Variants in NNT observed in about 807,000 individuals in gnomAD.
The protein encoded by NNT is NAD(P) transhydrogenase, mitochondrial.
In NNT, 50 loss-of-function variants were observed where a neutral mutation model predicts 104.8. That is an observed-to-expected ratio of 0.48 (90% CI 0.38 to 0.60). NNT has a LOEUF of 0.60. Among genes scored for constraint, NNT ranks in the 20% least tolerant of loss-of-function variants. The pLI, the probability that NNT is intolerant of heterozygous loss-of-function variation, is 0.00. For synonymous variants in NNT, 461 were observed against 490.4 expected, an observed-to-expected ratio of 0.94 and a Z score of 0.79; for missense variants, 1,131 against 1,330.7, an observed-to-expected ratio of 0.85 and a Z score of 2.33.
Position 43,666,721 on chromosome 5 carries a change from G to C in NNT, c.2634+7371G>C, listed in dbSNP as rs1030849981. The C allele has an allele frequency of 2.9e-5, 30 of 1,020,762 alleles. No individual in the cohort carries two copies. The African/African-American group carries it at 3.7e-4, about 13-fold the overall frequency. The allele number at this position is 1,020,762 out of a possible 1,614,324, so 63.2% of individuals were successfully genotyped here. ...CAGATGGTAGCCCAGGGACGGGGGT[G>C]GGGGGTCGCACCAGTCCTTCTGTCC... is the stretch of plus-strand genomic sequence containing the variant. On this transcript the variant is annotated intron_variant, in intron 17 of 21. Transcript: ENST00000344920.
chr5:43,605,103 A>G (rs180793473), intron 1 of NNT, among the ~76,000 whole-genome samples: 268 of 152,324 alleles, frequency 1.8e-3, no homozygotes, highest in Middle Eastern at 3.4e-3. Flanking sequence ...ACTCTCTTAA[A>G]TATCTGTGGT....
chr5:43,673,504 C>A (rs1741244063), intron 17 of NNT, among the ~76,000 whole-genome samples: 1 of 152,132 alleles, frequency 6.6e-6, no homozygotes, highest in Non-Finnish European at 1.5e-5. Flanking sequence ...TCCTTTAAAT[C>A]AATTTTAAGG....
intron 17 of NNT, chr5:43,666,755 G>A (rs368804348): frequency 3.0e-5 from 38 of 1,260,010 alleles, no homozygotes; most frequent in Admixed American, 1.1e-4. Context: ...CCTCACGTTG[G>A]CAGAGATATC....
intron 17 of NNT, among the ~76,000 whole-genome samples, chr5:43,673,582 A>G (rs951721776): frequency 2.0e-5 from 3 of 152,242 alleles, no homozygotes; most frequent in Admixed American, 6.5e-5. Context: ...ACTAGAAAGG[A>G]TTAATCTAGA....
chr5:43,646,435 G>A (rs904545692), intron 10 of NNT, among the ~76,000 whole-genome samples: 14 of 151,374 alleles, frequency 9.2e-5, no homozygotes, highest in African/African-American at 2.4e-4. Context: ...GACTACAGGC[G>A]CATGCCACCA....
chr5:43,674,316 C>CCCT (rs1203550766), intron 17 of NNT, among the ~76,000 whole-genome samples: 1 of 152,136 alleles, frequency 6.6e-6, no homozygotes, highest in Non-Finnish European at 1.5e-5. Context: ...TTTGTCTGGG[C>CCCT]CCTACTCAGC....
At chr5:43,679,396 G>T (rs1176261365) in intron 19 of NNT, among the ~76,000 whole-genome samples, 1 of 152,168 alleles carries the variant, frequency 6.6e-6, no homozygotes, top group Non-Finnish European at 1.5e-5. Flanking sequence ...GGGAAGGGAA[G>T]GATTAATTTG....
At chr5:43,676,375 A>C (rs1418081864) in intron 18 of NNT, among the ~76,000 whole-genome samples, 1 of 152,242 alleles carries the variant, frequency 6.6e-6, no homozygotes, top group Non-Finnish European at 1.5e-5. Context: ...AAATCTACTG[A>C]TTTGACATGT....
At chr5:43,615,556 A>G (rs1404837689) in intron 3 of NNT, among the ~76,000 whole-genome samples, 3 of 152,180 alleles carry the variant, frequency 2.0e-5, no homozygotes, top group African/African-American at 7.2e-5. Flanking sequence ...TAGAGCTTCC[A>G]TATATTTTTT....
At chr5:43,672,041 C>A (rs1450031660) in intron 17 of NNT, among the ~76,000 whole-genome samples, 1 of 152,206 alleles carries the variant, frequency 6.6e-6, no homozygotes, top group African/African-American at 2.4e-5. Context: ...ATTCGATCTT[C>A]AATCACTGAT....
chr5:43,638,255 C>T (rs557078023), intron 7 of NNT, among the ~76,000 whole-genome samples: 79 of 152,238 alleles, frequency 5.2e-4, no homozygotes, highest in African/African-American at 1.8e-3. Context: ...ATAAATCACC[C>T]AGTCTCGGCC....
chr5:43,606,458 A>G (rs560644460), intron 1 of NNT, among the ~76,000 whole-genome samples: 63 of 152,330 alleles, frequency 4.1e-4, no homozygotes, highest in Non-Finnish European at 7.2e-4. Flanking sequence ...GTGACCCATG[A>G]ATGAATGAGT....
intron 19 of NNT, among the ~76,000 whole-genome samples, chr5:43,690,295 A>G (rs905791842): frequency 6.6e-6 from 1 of 152,020 alleles, no homozygotes; most frequent in Non-Finnish European, 1.5e-5. Flanking sequence ...TTAAGTGATA[A>G]CAAATTTGTG....
chr5:43,649,347 A>C (rs1162021915), intron 11 of NNT, 39 bp downstream of exon 11: 1 of 1,609,382 alleles, frequency 6.2e-7, no homozygotes, highest in African/African-American at 1.3e-5. Flanking sequence ...TCAGGTTTTC[A>C]TAGGGTTACT....
intron 19 of NNT, among the ~76,000 whole-genome samples, chr5:43,680,916 T>G (rs1323919146): frequency 6.6e-6 from 1 of 152,022 alleles, no homozygotes; most frequent in Non-Finnish European, 1.5e-5. Flanking sequence ...TCCTTCCCAA[T>G]TTTTGGACTG....
chr5:43,677,691 A>C (rs1262279348), intron 18 of NNT, 34 bp from the exon 19 acceptor site: 1 of 1,579,434 alleles, frequency 6.3e-7, no homozygotes, highest in South Asian at 1.1e-5. Flanking sequence ...AAAATAAAAA[A>C]CACATTCTTC....
rs777596990 is a variant in NNT at position 43,656,755 on chromosome 5, C to G, written c.2396C>G (p.Pro799Arg). The change falls in exon 16 of 22, where the codon CCA becomes CGA. Residue 799 changes from proline to arginine, a missense_variant. By Grantham distance (103) the Pro-to-Arg change is moderately radical. Transcript: ENST00000344920. ...VGGIIPFMVD[P>R]SFTTGITCLG... ...GGGATAATCCCATTCATGGTGGACC[C>G]AAGCTTTACTACTGGCATCACCTGT... is the stretch of plus-strand genomic sequence containing the variant. 6.2e-7 allele frequency: 1 copy of G among 1,614,124 alleles called. No homozygotes were observed. Among genetic ancestry groups the G allele is most frequent in the African/African-American group, 1.3e-5 (1 of 75,034 alleles).
intron 7 of NNT, 129 bp from the exon 8 acceptor site, chr5:43,644,063 G>A: frequency 2.5e-6 from 2 of 795,012 alleles, no homozygotes; most frequent in Non-Finnish European, 4.0e-6. Context: ...TGGTCTTTAG[G>A]GGTCTCTTGG....
chr5:43,637,370 G>A (rs143775099), intron 7 of NNT, among the ~76,000 whole-genome samples: 2 of 152,044 alleles, frequency 1.3e-5, no homozygotes, highest in Non-Finnish European at 2.9e-5. Context: ...GTTATCATTG[G>A]TAACATTTTA....
Sources: allele counts gnomAD v4.1 joint callset (sites outside exome capture counted in the v4.1 genomes callset), GRCh38; gene constraint gnomAD v4.1.1; transcripts MANE v1.5; gene names NCBI Gene and HGNC (gene_info 2026-07-23, HGNC 2026-07-21).